Variants in ARFIP1 observed in about 807,000 individuals in gnomAD.
ARFIP1 encodes arfaptin-1.
Under a neutral mutation model 42.5 loss-of-function variants are expected in ARFIP1, and 24 were observed. The observed-to-expected ratio is 0.57, with a 90% CI of 0.41 to 0.80. ARFIP1 has a LOEUF of 0.80. ARFIP1 is among the 30% of genes least tolerant of loss of function. ARFIP1 has a pLI of 0.00. For synonymous variants in ARFIP1, 141 were observed against 153.7 expected (o/e 0.92, Z 0.61); for missense variants, 354 against 434.0 (o/e 0.82, Z 1.64).
At chr4:152,841,657 C>T (rs1732085921) in intron 2 of ARFIP1, among the ~76,000 whole-genome samples, 1 of 152,198 alleles carries the variant, frequency 6.6e-6, no homozygotes, top group East Asian at 1.9e-4. Context: ...TACTTAGTTT[C>T]ACTGGATACA....
chr4:152,792,034 C>G (rs1163034074), intron 1 of ARFIP1, among the ~76,000 whole-genome samples: 2 of 151,984 alleles, frequency 1.3e-5, no homozygotes, highest in African/African-American at 4.8e-5. Flanking sequence ...TAGATTTCAT[C>G]AAAAGTGAAA....
intron 2 of ARFIP1, among the ~76,000 whole-genome samples, chr4:152,854,456 A>G (rs1345750260): frequency 1.3e-5 from 2 of 152,056 alleles, no homozygotes; most frequent in Non-Finnish European, 2.9e-5. Flanking sequence ...TCTTTTTCCA[A>G]GGTTTCCTGA....
intron 1 of ARFIP1, among the ~76,000 whole-genome samples, chr4:152,784,617 T>C (rs1000291368): frequency 6.6e-5 from 10 of 152,264 alleles, no homozygotes; most frequent in Admixed American, 5.2e-4. Flanking sequence ...GACTGTCGGT[T>C]CAGATTGAGA....
chr4:152,864,149 C>T (rs28410523), intron 3 of ARFIP1, among the ~76,000 whole-genome samples: 20,866 of 152,028 alleles, frequency 0.14, 1,509 homozygotes, highest in African/African-American at 0.18. Flanking sequence ...ATTTTAATTA[C>T]TCTTAATTAT....
chr4:152,835,625 A>G (rs140184646), intron 2 of ARFIP1, among the ~76,000 whole-genome samples: 93 of 151,892 alleles, frequency 6.1e-4, no homozygotes, highest in African/African-American at 2.1e-3. Flanking sequence ...AATTCTTCCA[A>G]CCTCTGCTCA....
intron 8 of ARFIP1, among the ~76,000 whole-genome samples, chr4:152,889,886 G>A (rs1736688035): frequency 8.0e-6 from 1 of 125,296 alleles, no homozygotes; most frequent in African/African-American, 3.1e-5. Context: ...CTAATATATA[G>A]TGTATGTATA....
intron 2 of ARFIP1, among the ~76,000 whole-genome samples, chr4:152,834,628 C>T (rs1025222806): frequency 6.6e-6 from 1 of 152,228 alleles, no homozygotes; most frequent in African/African-American, 2.4e-5. Flanking sequence ...CACACTGGTG[C>T]ACGGGATGGG....
chr4:152,904,744 T>C (rs1428416201), intron 8 of ARFIP1, among the ~76,000 whole-genome samples: 2 of 152,224 alleles, frequency 1.3e-5, no homozygotes, highest in African/African-American at 4.8e-5. Context: ...TTTTTATGGC[T>C]ATATAGTATT....
chr4:152,821,481 G>A (rs562677103), intron 1 of ARFIP1, among the ~76,000 whole-genome samples: 1 of 152,108 alleles, frequency 6.6e-6, no homozygotes, highest in Admixed American at 6.5e-5. Context: ...AAAGTCATCC[G>A]GAAATAGGGA....
chr4:152,872,619 A>G (rs972694610), intron 5 of ARFIP1, 55 bp downstream of exon 5: 18 of 987,012 alleles, frequency 1.8e-5, no homozygotes, highest in East Asian at 8.5e-5. Flanking sequence ...GTTCATTTAT[A>G]TGTTTATTCA....
At chr4:152,870,208 T>A (rs912335294) in intron 3 of ARFIP1, among the ~76,000 whole-genome samples, 1 of 152,242 alleles carries the variant, frequency 6.6e-6, no homozygotes, top group Non-Finnish European at 1.5e-5. Context: ...ACATTATGAA[T>A]AGCAATGAGA....
At chr4:152,907,276 G>A (rs188530112) in intron 8 of ARFIP1, among the ~76,000 whole-genome samples, 1 of 152,204 alleles carries the variant, frequency 6.6e-6, no homozygotes, top group Non-Finnish European at 1.5e-5. Context: ...TATAAAATGG[G>A]AACATTGTGA....
intron 1 of ARFIP1, among the ~76,000 whole-genome samples, chr4:152,783,025 A>G (rs142272018): frequency 1.3e-5 from 2 of 152,302 alleles, no homozygotes; most frequent in African/African-American, 4.8e-5. Context: ...AGAATAGCGT[A>G]TGCTAGGCTG....
intron 2 of ARFIP1, among the ~76,000 whole-genome samples, chr4:152,851,658 T>C (rs944439395): frequency 3.3e-5 from 5 of 152,198 alleles, no homozygotes; most frequent in Non-Finnish European, 7.3e-5. Flanking sequence ...GTTTGAAGAA[T>C]TGATTGCGGG....
chr4:152,867,120 G>A (rs1363837858), intron 3 of ARFIP1, among the ~76,000 whole-genome samples: 1 of 152,106 alleles, frequency 6.6e-6, no homozygotes, highest in Non-Finnish European at 1.5e-5. Flanking sequence ...CTGCAATCTC[G>A]GCACTTTGGG....
chr4:152,785,972 CATG>C (rs770376147), intron 1 of ARFIP1, among the ~76,000 whole-genome samples: 10 of 152,154 alleles, frequency 6.6e-5, no homozygotes, highest in Non-Finnish European at 1.0e-4. Context: ...TAAAATGCGA[CATG>C]ATATGATGTG....
At chr4:152,893,877 TCA>T (rs1488386322) in intron 8 of ARFIP1, among the ~76,000 whole-genome samples, 2 of 152,106 alleles carry the variant, frequency 1.3e-5, no homozygotes, top group Non-Finnish European at 2.9e-5. Context: ...TTGTTTTCAC[TCA>T]CAGTGTTTCA....
intron 1 of ARFIP1, chr4:152,807,366 A>G (rs754485930): frequency 1.3e-5 from 2 of 152,200 alleles, no homozygotes; most frequent in Admixed American, 6.5e-5. Flanking sequence ...TCCAAAGTGA[A>G]GTACTTTTTG....
At chr4:152,899,181 A>G (rs1024403066) in intron 8 of ARFIP1, among the ~76,000 whole-genome samples, 1 of 151,846 alleles carries the variant, frequency 6.6e-6, no homozygotes, top group Non-Finnish European at 1.5e-5. Flanking sequence ...TTTGGATTTC[A>G]TAGGGATTTT....
Sources: gnomAD v4.1 joint callset for allele counts (sites outside exome capture counted in the v4.1 genomes callset) on GRCh38, gnomAD v4.1.1 for gene constraint, MANE v1.5 for transcripts, NCBI Gene and HGNC (gene_info 2026-07-23, HGNC 2026-07-21) for gene names.